The following SAMD12 variants were observed in gnomAD, a reference collection of about 807,000 sequenced individuals.
SAMD12 encodes the protein sterile alpha motif domain containing 12.
SAMD12 carries 9 observed loss-of-function variants against 15.0 expected under a neutral mutation model. The observed-to-expected ratio is 0.60, with a 90% CI of 0.36 to 1.05. SAMD12 has a LOEUF of 1.05. SAMD12 is among the 50% of genes least tolerant of loss of function. SAMD12 has a pLI of 0.01. For synonymous variants in SAMD12, 86 were observed against 90.1 expected (o/e 0.96, Z 0.25); for missense variants, 230 against 234.2 (o/e 0.98, Z 0.12).
chr8:118,264,722 C>A (rs1462446025), intron 4 of SAMD12, among the ~76,000 whole-genome samples: 9 of 152,130 alleles, frequency 5.9e-5, no homozygotes, highest in Non-Finnish European at 1.3e-4. Flanking sequence ...CACTCAGTGG[C>A]TCCTACCTGG....
At chr8:118,192,832 G>T in exon 5 of SAMD12, 1 of 152,262 alleles carries the variant, frequency 6.6e-6, no homozygotes. Flanking sequence ...ATTACATTAA[G>T]TATATGCTGT....
intron 2 of SAMD12, among the ~76,000 whole-genome samples, chr8:118,461,437 A>G (rs1257751002): frequency 6.6e-6 from 1 of 152,230 alleles, no homozygotes; most frequent in African/African-American, 2.4e-5. Context: ...TAACAATTTA[A>G]ACAACAAAGA....
At chr8:118,337,127 T>C (rs1817120448) in intron 4 of SAMD12, among the ~76,000 whole-genome samples, 1 of 151,776 alleles carries the variant, frequency 6.6e-6, no homozygotes. Flanking sequence ...AACCTGCATG[T>C]TGTGCACATG....
chr8:118,230,753 A>C (rs1002450506), intron 4 of SAMD12, among the ~76,000 whole-genome samples: 3 of 152,124 alleles, frequency 2.0e-5, no homozygotes, highest in African/African-American at 7.2e-5. Flanking sequence ...AGTGCAAATA[A>C]ACTTGAGGTA....
the SAMD12 span, among the ~76,000 whole-genome samples, chr8:118,154,089 C>T: frequency 6.6e-6 from 1 of 151,750 alleles, no homozygotes; most frequent in African/African-American, 2.4e-5. Context: ...AAAGAGCAAA[C>T]TAGATCATGT....
chr8:118,431,542 C>T (rs1822407628), intron 3 of SAMD12, among the ~76,000 whole-genome samples: 1 of 151,712 alleles, frequency 6.6e-6, no homozygotes, highest in African/African-American at 2.4e-5. Context: ...TGTTTCAACC[C>T]TTTAAAGTTT....
intron 2 of SAMD12, among the ~76,000 whole-genome samples, chr8:118,499,254 C>G (rs1586765887): frequency 6.6e-6 from 1 of 152,164 alleles, no homozygotes; most frequent in Non-Finnish European, 1.5e-5. Context: ...GAGTGTGACA[C>G]ACATCATATC....
chr8:118,142,668 A>G, the SAMD12 span, among the ~76,000 whole-genome samples: 1 of 152,236 alleles, frequency 6.6e-6, no homozygotes, highest in Admixed American at 6.5e-5. Context: ...CCCTCACAAT[A>G]TGCTGCTGAC....
At chr8:118,590,178 C>G (rs1241641939) in intron 1 of SAMD12, among the ~76,000 whole-genome samples, 1 of 152,106 alleles carries the variant, frequency 6.6e-6, no homozygotes, top group African/African-American at 2.4e-5. Context: ...AAAGAGACAG[C>G]CTAGCAAGGT....
intron 2 of SAMD12, among the ~76,000 whole-genome samples, chr8:118,562,188 T>C (rs1826720788): frequency 6.6e-6 from 1 of 152,214 alleles, no homozygotes; most frequent in Non-Finnish European, 1.5e-5. Context: ...CTTTCCTCTG[T>C]TGTGTTTCTT....
chr8:118,397,216 C>T (rs3860885), intron 3 of SAMD12, among the ~76,000 whole-genome samples: 107,355 of 152,034 alleles, frequency 0.71, 39,100 homozygotes, highest in African/African-American at 0.85. Context: ...TACAAACCCA[C>T]AGGCAAGAAG....
chr8:118,163,429 GA>G, the SAMD12 span, among the ~76,000 whole-genome samples: 1 of 152,180 alleles, frequency 6.6e-6, no homozygotes, highest in Non-Finnish European at 1.5e-5. Context: ...TTGAGGTAGG[GA>G]AGAGAAAAGT....
At chr8:118,160,474 T>C in the SAMD12 span, among the ~76,000 whole-genome samples, 1 of 152,210 alleles carries the variant, frequency 6.6e-6, no homozygotes, top group African/African-American at 2.4e-5. Context: ...GCCAGTGTCA[T>C]ACTTAGGTTA....
chr8:118,201,517 G>A (rs1033347491), intron 4 of SAMD12, among the ~76,000 whole-genome samples: 4 of 152,134 alleles, frequency 2.6e-5, no homozygotes, highest in Non-Finnish European at 5.9e-5. Flanking sequence ...TAATTTTTTT[G>A]TGGGTGATGC....
intron 1 of SAMD12, among the ~76,000 whole-genome samples, chr8:118,587,515 GA>G (rs1399578629): frequency 6.6e-6 from 1 of 152,194 alleles, no homozygotes; most frequent in Non-Finnish European, 1.5e-5. Flanking sequence ...AAGTGAGGTT[GA>G]TGACAGATTC....
At chr8:118,428,831 CTTGG>C (rs1822314800) in intron 3 of SAMD12, among the ~76,000 whole-genome samples, 1 of 151,936 alleles carries the variant, frequency 6.6e-6, no homozygotes, top group South Asian at 2.1e-4. Flanking sequence ...ACCATATTAC[CTTGG>C]TTATTGTAAT....
chr8:118,264,089 T>G (rs1482755890), intron 4 of SAMD12, among the ~76,000 whole-genome samples: 1 of 152,118 alleles, frequency 6.6e-6, no homozygotes, highest in Non-Finnish European at 1.5e-5. Context: ...CTTACTCTAT[T>G]TCTTAAGAAC....
intron 4 of SAMD12, among the ~76,000 whole-genome samples, chr8:118,212,062 T>TTGTG (rs35939969): frequency 0.012 from 1,843 of 150,842 alleles, 50 homozygotes; most frequent in African/African-American, 0.043. Flanking sequence ...GTTGCAGATT[T>TTGTG]TGTGTGTGTG....
Position 118,438,841 on chromosome 8 carries a change from G to GA in SAMD12, c.322+990dup, listed in dbSNP as rs543340494. Reference sequence around the variant, plus strand: ...CCACCAGAGTGAAAGCATTTTCTCAGAAAAAAAAGATCTGGACTAGAAATG... The same window carrying GA: ...CCACCAGAGTGAAAGCATTTTCTCAGAAAAAAAAAGATCTGGACTAGAAATG... On this transcript the variant is annotated intron_variant, in intron 3 of 3. Transcript: ENST00000314727. 4.6e-5 allele frequency among the ~76,000 whole-genome samples: 7 copies of GA among 151,890 alleles called. No homozygotes were observed. The South Asian group carries it at 1.0e-3, about 23-fold the overall frequency.
Sources: gnomAD v4.1 joint callset for allele counts (sites outside exome capture counted in the v4.1 genomes callset) on GRCh38, gnomAD v4.1.1 for gene constraint, MANE v1.5 for transcripts, NCBI Gene and HGNC (gene_info 2026-07-23, HGNC 2026-07-21) for gene names.